The following KDM7A variants were observed in gnomAD, a reference collection of about 807,000 sequenced individuals.
KDM7A encodes the protein lysine demethylase 7A.
In KDM7A, 28 loss-of-function variants were observed where a neutral mutation model predicts 114.8. That is an observed-to-expected ratio of 0.24 (90% CI 0.18 to 0.33). KDM7A has a LOEUF of 0.33. Among genes scored for constraint, KDM7A ranks in the 10% least tolerant of loss-of-function variants. KDM7A has a pLI of 1.00. For synonymous variants in KDM7A, 423 were observed against 397.8 expected, an observed-to-expected ratio of 1.06 and a Z score of -0.75; for missense variants, 942 against 1,142.5, an observed-to-expected ratio of 0.82 and a Z score of 2.53.
intron 1 of KDM7A, among the ~76,000 whole-genome samples, chr7:140,150,022 G>A (rs1010830312): frequency 6.6e-6 from 1 of 152,140 alleles, no homozygotes; most frequent in Non-Finnish European, 1.5e-5. Context: ...TCCTTTGGCA[G>A]AGCAAGTTTT....
intron 11 of KDM7A, among the ~76,000 whole-genome samples, chr7:140,106,282 C>A (rs1250506296): frequency 5.9e-5 from 9 of 152,042 alleles, no homozygotes; most frequent in Non-Finnish European, 1.3e-4. Flanking sequence ...GTGTCTCTAT[C>A]TCCTTCAGTT....
chr7:140,126,465 A>T (rs116714557), intron 6 of KDM7A, among the ~76,000 whole-genome samples, 172 bp downstream of exon 6: 8,791 of 151,102 alleles, frequency 0.058, 327 homozygotes, highest in East Asian at 0.13. Flanking sequence ...TTGAGATTAA[A>T]AAAAAAAATC....
chr7:140,164,789 G>A (rs1369196150), intron 1 of KDM7A, among the ~76,000 whole-genome samples: 1 of 152,162 alleles, frequency 6.6e-6, no homozygotes, highest in Admixed American at 6.5e-5. Flanking sequence ...TTGCTTCAAA[G>A]TAGCCAGGTA....
At position 140,087,531 on chromosome 7, in the gene KDM7A, G is replaced by A. The variant is rs1038830680; in HGVS notation, c.*3563C>T. The A allele has an allele frequency of 6.6e-6, 1 of 152,156 alleles. No individual in the cohort carries two copies. Among genetic ancestry groups the A allele is most frequent in the Non-Finnish European group, 1.5e-5 (1 of 68,032 alleles). The allele number at this position is 152,156 out of a possible 1,614,324, so 9.4% of individuals were successfully genotyped here. A position where few individuals can be genotyped will look rare whatever the true frequency, so the allele number is the denominator to read the frequency against. ...AAATATATATAAAGGTGCATTAATT[G>A]CCAGTTTTAACTTAATGATAAGTTC... On this transcript the variant is annotated 3_prime_UTR_variant, in exon 20 of 20. Coordinates refer to ENST00000397560, the MANE Select transcript of KDM7A (RefSeq NM_030647.2).
rs1482515881 is a variant in KDM7A, at chr7:140,089,712, T to C, written c.*1382A>G. ...GAAAACTGGCATTTAGTAAAAATCA[T>C]ACATAAAGGAGATAAATGAATACCT... On this transcript the variant is annotated 3_prime_UTR_variant, in exon 20 of 20. Coordinates refer to ENST00000397560, the MANE Select transcript of KDM7A (RefSeq NM_030647.2). The C allele has an allele frequency of 6.6e-6, 1 of 152,120 alleles. No homozygotes were observed. The highest frequency in any genetic ancestry group is 2.4e-5 in the African/African-American group (1 of 41,442). 9.4% of individuals were successfully genotyped at this position (152,120 alleles called of 1,614,324 possible).
At chr7:140,154,726 G>A (rs975642632) in intron 1 of KDM7A, among the ~76,000 whole-genome samples, 4 of 151,626 alleles carry the variant, frequency 2.6e-5, no homozygotes, top group Non-Finnish European at 5.9e-5. Flanking sequence ...ACCCAACCTC[G>A]GGTCTTTCTC....
chr7:140,149,385 A>G (rs538183952), intron 1 of KDM7A, among the ~76,000 whole-genome samples: 1 of 152,346 alleles, frequency 6.6e-6, no homozygotes, highest in South Asian at 2.1e-4. Context: ...AGTAACTGGC[A>G]ATGCAAATGG....
intron 1 of KDM7A, among the ~76,000 whole-genome samples, chr7:140,161,252 A>C (rs1794515382): frequency 6.6e-6 from 1 of 152,296 alleles, no homozygotes; most frequent in South Asian, 2.1e-4. Flanking sequence ...AAGAGGAAAA[A>C]CCCATGAACC....
chr7:140,159,542 C>T (rs1794494975), intron 1 of KDM7A, among the ~76,000 whole-genome samples: 1 of 152,100 alleles, frequency 6.6e-6, no homozygotes, highest in Non-Finnish European at 1.5e-5. Flanking sequence ...TTAGCAGTTG[C>T]CTTTTCGCGT....
Position 140,176,609 on chromosome 7 carries a change from G to T in KDM7A, c.194+135C>A, listed in dbSNP as rs1327032138. ...GCGCGCCCCACTGCCCGGCCGGGGG[G>T]CTAGGCACCGGGGCCCCCTGAAAGC... On this transcript the variant is annotated intron_variant, in intron 1 of 19. Coordinates refer to ENST00000397560, the MANE Select transcript of KDM7A (RefSeq NM_030647.2). The surrounding 1 kb of genome is among the most constrained non-coding windows in gnomAD (Gnocchi z 4.4). 3.6e-6 allele frequency: 2 copies of T among 553,632 alleles called. No homozygotes were observed. Among genetic ancestry groups the T allele is most frequent in the Non-Finnish European group, 4.6e-6 (2 of 436,546 alleles). The allele number at this position is 553,632 out of a possible 1,614,324, so 34.3% of individuals were successfully genotyped here.
Position 140,162,338 on chromosome 7 carries a change from A to C in KDM7A, c.194+14406T>G, listed in dbSNP as rs201346517. Among the ~76,000 whole-genome samples the C allele has an allele frequency of 1.2e-4, 6 of 48,590 alleles. No individual in the cohort carries two copies. In the South Asian group the frequency reaches 1.4e-3, roughly 11 times the overall value. The allele number at this position is 48,590 out of a possible 152,430, so 31.9% of individuals were successfully genotyped here. A position where few individuals can be genotyped will look rare whatever the true frequency, so the allele number is the denominator to read the frequency against. ...CAAAAAGAGTGAAACTCAGTCTCCCAAAAAAAAAAAAAAAATTACTAACTG... is the reference window on the plus strand; with the variant it reads ...CAAAAAGAGTGAAACTCAGTCTCCCCAAAAAAAAAAAAAAATTACTAACTG... On this transcript the variant is annotated intron_variant, in intron 1 of 19. Coordinates refer to ENST00000397560, the MANE Select transcript of KDM7A (RefSeq NM_030647.2).
intron 1 of KDM7A, among the ~76,000 whole-genome samples, chr7:140,145,947 C>T (rs1030174528): frequency 1.3e-5 from 2 of 152,204 alleles, no homozygotes; most frequent in African/African-American, 4.8e-5. Flanking sequence ...TAGTTAAGAA[C>T]ACCTTGGGCT....
At chr7:140,100,739 TATACA>T (rs1562946172) in intron 12 of KDM7A, among the ~76,000 whole-genome samples, 10 of 50,246 alleles carry the variant, frequency 2.0e-4, no homozygotes, top group African/African-American at 6.0e-4. Context: ...TATATATATA[TATACA>T]TATATATTTT....
chr7:140,162,229 G>A (rs1794527909), intron 1 of KDM7A, among the ~76,000 whole-genome samples: 2 of 151,994 alleles, frequency 1.3e-5, no homozygotes, highest in South Asian at 4.1e-4. Context: ...CAGCTACTCG[G>A]GAGGCTAAGG....
In KDM7A at chr7:140,087,231, A is replaced by G. The variant is rs1211740410; in HGVS notation, c.*3863T>C. 6.6e-6 allele frequency: 1 copy of G among 152,184 alleles called. No individual in the cohort carries two copies. Among genetic ancestry groups the G allele is most frequent in the Non-Finnish European group, 1.5e-5 (1 of 68,048 alleles). The allele number at this position is 152,184 out of a possible 1,614,324, so 9.4% of individuals were successfully genotyped here. Reference sequence around the variant, plus strand: ...ATGACTTCCTTCACCTTTATCTAGTACCTGAAGAGTATGCTGAATCTGTGG... The same window carrying G: ...ATGACTTCCTTCACCTTTATCTAGTGCCTGAAGAGTATGCTGAATCTGTGG... On this transcript the variant is annotated 3_prime_UTR_variant, in exon 20 of 20. Coordinates refer to ENST00000397560, the MANE Select transcript of KDM7A (RefSeq NM_030647.2).
chr7:140,173,542 T>G (rs2116864538), intron 1 of KDM7A, among the ~76,000 whole-genome samples: 1 of 152,252 alleles, frequency 6.6e-6, no homozygotes, highest in East Asian at 1.9e-4. Flanking sequence ...CACTGATTCC[T>G]CAGTTTAAAA....
At chr7:140,126,431 T>TA (rs1466682348) in intron 6 of KDM7A, among the ~76,000 whole-genome samples, 1 of 149,924 alleles carries the variant, frequency 6.7e-6, no homozygotes, top group Non-Finnish European at 1.5e-5. Flanking sequence ...AATATAAATT[T>TA]AAAAGTCATG....
At chr7:140,137,932 G>A (rs1377489506) in intron 2 of KDM7A, among the ~76,000 whole-genome samples, 1 of 151,316 alleles carries the variant, frequency 6.6e-6, no homozygotes, top group African/African-American at 2.4e-5. Flanking sequence ...TGTGTATCAA[G>A]GTACATTCAG....
intron 7 of KDM7A, 25 bp from the exon 8 acceptor site, chr7:140,120,554 C>G (rs59225858): frequency 0.41 from 585,357 of 1,426,430 alleles, 123,357 homozygotes; most frequent in Middle Eastern, 0.53. Flanking sequence ...AATATATAAA[C>G]CAGTCATTTT....
Sources: allele counts gnomAD v4.1 joint callset (sites outside exome capture counted in the v4.1 genomes callset), GRCh38; gene constraint gnomAD v4.1.1; non-coding constraint Gnocchi (gnomAD v3.1); transcripts MANE v1.5; gene names NCBI Gene and HGNC (gene_info 2026-07-23, HGNC 2026-07-21).